STAG2: variants seen among roughly 807,000 people sequenced by gnomAD.
STAG2 encodes cohesin subunit SA-2.
In STAG2, 14 loss-of-function variants were observed where a neutral mutation model predicts 108.1. That is an observed-to-expected ratio of 0.13 (90% confidence interval 0.09 to 0.20). STAG2 has a LOEUF of 0.20. Among genes scored for constraint, STAG2 ranks in the 10% least tolerant of loss-of-function variants. The probability of loss-of-function intolerance (pLI) is 1.00; values close to 1 mark genes in which losing one functional copy is unlikely to be tolerated. For missense variants in STAG2, 440 were observed against 940.9 expected, an observed-to-expected ratio of 0.47 and a Z score of 6.96; for synonymous variants, 307 against 302.7, an observed-to-expected ratio of 1.01 and a Z score of -0.15.
Position 124,028,819 on chromosome X carries a change from TA to T in STAG2, c.124-2141del, listed in dbSNP as rs1260855641. 3.0e-4 allele frequency among the ~76,000 whole-genome samples: 18 copies of T among 60,541 alleles called. 1 individual carries two copies. The highest frequency in any genetic ancestry group is 1.1e-3 in the African/African-American group (16 of 15,147). 52.6% of individuals were successfully genotyped at this position (60,541 alleles called of 115,157 possible). On this transcript the variant is annotated intron_variant, in intron 4 of 34. Coordinates refer to ENST00000371145, the MANE Select transcript of STAG2 (RefSeq NM_001042750.2). ...TTATATATATATATATATATATATA[TA>T]TATTTTTTTTTTTATAGAGATGGGG...
chrX:124,081,390 A>C lies in STAG2; in HGVS notation c.2786A>C (p.Glu929Ala). 3 of 1,155,334 alleles carry C rather than the reference A, an allele frequency of 2.6e-6. No individual in the cohort carries two copies. Among genetic ancestry groups the C allele is most frequent in the Non-Finnish European group, 3.5e-6 (3 of 864,533 alleles). ...LILSLQQLFNEMIQENGYNFD... is the reference protein window; with the variant it reads ...LILSLQQLFNAMIQENGYNFD... ...TTTCTTTCCAAACAGCTTTTTAATGAAATGATACAAGAAAATGGCTATAAT... is the reference window on the plus strand; with the variant it reads ...TTTCTTTCCAAACAGCTTTTTAATGCAATGATACAAGAAAATGGCTATAAT... Residue 929 changes from glutamate (E) to alanine (A), a missense_variant, in exon 28 of 35, where the codon GAA becomes GCA. By Grantham distance (107) the Glu-to-Ala change is moderately radical. This residue lies in a region of STAG2 where 337 missense variants were observed against 649.3 expected (regional missense o/e 0.52). Coordinates refer to ENST00000371145, the MANE Select transcript of STAG2 (RefSeq NM_001042750.2).
At chrX:124,025,712 T>C (rs1317822212) in intron 3 of STAG2, 128 bp from the exon 4 acceptor site, 8 of 397,729 alleles carry the variant, frequency 2.0e-5, no homozygotes, top group Admixed American at 4.6e-5. Context: ...ACATCTTAAT[T>C]ACTTATAATG....
chrX:124,050,986 G>GT, intron 11 of STAG2, 135 bp from the exon 12 acceptor site: 1 of 407,142 alleles, frequency 2.5e-6, no homozygotes. Context: ...AAACATGATA[G>GT]TTTCTGAAGG....
chrX:124,038,101 G>T (rs1333761967), intron 6 of STAG2, among the ~76,000 whole-genome samples: 2 of 112,423 alleles, frequency 1.8e-5, no homozygotes, highest in Admixed American at 9.4e-5. Context: ...AAAAGGTAAA[G>T]AAATTTTGTT....
intron 1 of STAG2, among the ~76,000 whole-genome samples, chrX:123,985,491 G>A (rs2055125170): frequency 9.0e-6 from 1 of 111,631 alleles, no homozygotes; most frequent in African/African-American, 3.3e-5. Context: ...ATGATTCCAC[G>A]ATAGTTTTAG....
chrX:124,081,749 C>T (rs1211235163), intron 28 of STAG2, among the ~76,000 whole-genome samples: 1 of 112,023 alleles, frequency 8.9e-6, no homozygotes, highest in Admixed American at 9.5e-5. Context: ...CCTGTAATCC[C>T]AGCACTTTGG....
intron 1 of STAG2, among the ~76,000 whole-genome samples, chrX:124,008,341 G>A (rs1481751638): frequency 1.9e-5 from 2 of 107,993 alleles, no homozygotes; most frequent in Non-Finnish European, 3.8e-5. Flanking sequence ...AGCCTCCTGA[G>A]TTGCTGGGAT....
intron 1 of STAG2, among the ~76,000 whole-genome samples, chrX:124,010,333 A>G (rs1408574509): frequency 9.0e-6 from 1 of 111,405 alleles, no homozygotes; most frequent in Admixed American, 9.6e-5. Context: ...TTCTGTTTCT[A>G]TGAATTTGAC....
chrX:124,013,768 C>T (rs1036873046), intron 1 of STAG2, among the ~76,000 whole-genome samples: 1 of 110,799 alleles, frequency 9.0e-6, no homozygotes, highest in Non-Finnish European at 1.9e-5. Flanking sequence ...GGGCAGGATT[C>T]CAGTACCAGA....
intron 1 of STAG2, among the ~76,000 whole-genome samples, chrX:124,012,837 A>G (rs1203610816): frequency 9.0e-6 from 1 of 111,597 alleles, no homozygotes; most frequent in Non-Finnish European, 1.9e-5. Context: ...TTCTATCTTC[A>G]TTATCATGCA....
intron 32 of STAG2, among the ~76,000 whole-genome samples, chrX:124,093,472 CTTT>C (rs56165276): frequency 8.5e-5 from 7 of 82,267 alleles, no homozygotes; most frequent in Admixed American, 1.4e-4. Context: ...TCTTATTCAT[CTTT>C]TTTTTTTTTT....
At chrX:124,099,618 TAC>T (rs998499039) in intron 34 of STAG2, among the ~76,000 whole-genome samples, 3 of 111,697 alleles carry the variant, frequency 2.7e-5, no homozygotes, top group Non-Finnish European at 3.8e-5. Context: ...GATCTGCAAA[TAC>T]ACAGTTTCTT....
intron 29 of STAG2, among the ~76,000 whole-genome samples, chrX:124,084,713 A>G (rs927248029): frequency 2.7e-5 from 3 of 112,601 alleles, no homozygotes; most frequent in African/African-American, 6.5e-5. Context: ...GTTCTATTGT[A>G]TATAAATTTA....
At chrX:124,050,165 G>T in intron 10 of STAG2, 21 bp from the exon 11 acceptor site, 1 of 1,203,614 alleles carries the variant, frequency 8.3e-7, no homozygotes, top group Non-Finnish European at 1.1e-6. Context: ...ATTATGCATC[G>T]TTTTTCCTTC....
At chrX:124,040,584 T>C (rs1472951016) in intron 6 of STAG2, among the ~76,000 whole-genome samples, 1 of 109,273 alleles carries the variant, frequency 9.2e-6, no homozygotes, top group Non-Finnish European at 1.9e-5. Flanking sequence ...TTTCTGGATG[T>C]CTTGTGGTTT....
intron 13 of STAG2, among the ~76,000 whole-genome samples, chrX:124,055,926 C>T (rs1212988105): frequency 9.0e-6 from 1 of 111,057 alleles, no homozygotes; most frequent in Non-Finnish European, 1.9e-5. Context: ...CTTCTGCATT[C>T]ACTTTTAATT....
intron 13 of STAG2, among the ~76,000 whole-genome samples, chrX:124,054,923 G>A (rs756698609): frequency 3.6e-5 from 4 of 110,416 alleles, no homozygotes; most frequent in East Asian, 2.8e-4. Context: ...ACCATGTCCG[G>A]CTAATTTTTT....
Position 124,094,042 on chromosome X carries a change from A to C in STAG2, c.3603A>C (p.Glu1201Asp). The C allele has an allele frequency of 2.5e-6, 3 of 1,210,297 alleles. No homozygotes were observed. The highest frequency in any genetic ancestry group is 3.4e-6 in the Non-Finnish European group (3 of 894,298). ...GTCGGCGTGGCACAAGCCTAATGGA[A>C]GATGATGAAGAGCCAATTGTGGAAG... ...HAIRRGTSLM[E>D]DDEEPIVEDV... is the part of the protein sequence containing the mutation. The change falls in exon 33 of 35, where the codon GAA (glutamate) becomes GAC (aspartate). Residue 1201 changes from glutamate to aspartate, a missense_variant. Glu to Asp is a conservative substitution (Grantham distance 45). This residue lies in a region of STAG2 where 337 missense variants were observed against 649.3 expected (regional missense o/e 0.52). Coordinates refer to ENST00000371145, the MANE Select transcript of STAG2 (RefSeq NM_001042750.2).
intron 1 of STAG2, among the ~76,000 whole-genome samples, chrX:123,987,016 G>A (rs1440609421): frequency 9.3e-6 from 1 of 107,568 alleles, no homozygotes; most frequent in African/African-American, 3.4e-5. Context: ...TTTTTTAGAC[G>A]GAGTCTCGCT....
Sources: allele counts gnomAD v4.1 joint callset (sites outside exome capture counted in the v4.1 genomes callset), GRCh38; gene constraint gnomAD v4.1.1; regional missense constraint gnomAD v4.1.1; transcripts MANE v1.5; gene names NCBI Gene and HGNC (gene_info 2026-07-23, HGNC 2026-07-21).